CLASP1: variants seen among roughly 807,000 people sequenced by gnomAD.
CLASP1 encodes the protein cytoplasmic linker associated protein 1, also known as CLIP-associating protein 1.
A neutral mutation model predicts 192.3 loss-of-function variants in CLASP1; 38 were observed. The observed-to-expected ratio is 0.20, with a 90% CI of 0.15 to 0.26. The LOEUF is 0.26. CLASP1 is among the 10% of genes least tolerant of loss of function. CLASP1 has a pLI of 1.00. For synonymous variants in CLASP1, 691 were observed against 712.8 expected, an observed-to-expected ratio of 0.97 and a Z score of 0.49; for missense variants, 1,433 against 1,932.5, an observed-to-expected ratio of 0.74 and a Z score of 4.85.
intron 34 of CLASP1, 68 bp from the exon 36 acceptor site, chr2:121,367,899 A>G (rs2067751491): frequency 1.9e-6 from 3 of 1,571,588 alleles, no homozygotes; most frequent in African/African-American, 2.7e-5. Flanking sequence ...AATGCTCAGA[A>G]ATATTAAGAA....
chr2:121,608,604 C>T (rs1363001863), intron 1 of CLASP1, among the ~76,000 whole-genome samples: 2 of 152,284 alleles, frequency 1.3e-5, no homozygotes, highest in East Asian at 3.9e-4. Flanking sequence ...CTACCCATTC[C>T]AGTCGTCATC....
chr2:121,485,140 C>A (rs1389003180), intron 8 of CLASP1, among the ~76,000 whole-genome samples: 1 of 152,162 alleles, frequency 6.6e-6, no homozygotes, highest in Non-Finnish European at 1.5e-5. Context: ...AAAGGCATAA[C>A]CTCATCTACA....
At chr2:121,437,111 C>T (rs1481960225) in intron 19 of CLASP1, among the ~76,000 whole-genome samples, 1 of 151,962 alleles carries the variant, frequency 6.6e-6, no homozygotes, top group Non-Finnish European at 1.5e-5. Context: ...TACAGGTGTG[C>T]ACCACCATGC....
chr2:121,374,378 G>A (rs1471622754), intron 34 of CLASP1, among the ~76,000 whole-genome samples: 1 of 152,238 alleles, frequency 6.6e-6, no homozygotes, highest in Non-Finnish European at 1.5e-5. Context: ...TCTGCTGCAG[G>A]GGCAGAGCCC....
chr2:121,593,557 T>G (rs1559711653), intron 2 of CLASP1, among the ~76,000 whole-genome samples: 2 of 139,460 alleles, frequency 1.4e-5, no homozygotes, highest in African/African-American at 5.7e-5. Context: ...AGGCGGAAGT[T>G]GCAGGGAGCT....
chr2:121,545,534 G>C (rs972431940), intron 2 of CLASP1, among the ~76,000 whole-genome samples: 4 of 151,836 alleles, frequency 2.6e-5, no homozygotes, highest in African/African-American at 9.7e-5. Flanking sequence ...TGTCATTTTC[G>C]TGCTGTAGAA....
chr2:121,629,051 T>C (rs1018814968), intron 1 of CLASP1, among the ~76,000 whole-genome samples: 1 of 152,088 alleles, frequency 6.6e-6, no homozygotes, highest in Admixed American at 6.6e-5. Context: ...TAAATTACAG[T>C]ACATCCGTAC....
At chr2:121,452,584 A>T (rs2149808825) in intron 14 of CLASP1, among the ~76,000 whole-genome samples, 1 of 152,090 alleles carries the variant, frequency 6.6e-6, no homozygotes, top group South Asian at 2.1e-4. Context: ...TGAGGTCATG[A>T]GTTCAAGACC....
chr2:121,528,257 G>A (rs1315875832), intron 4 of CLASP1, among the ~76,000 whole-genome samples: 2 of 152,120 alleles, frequency 1.3e-5, no homozygotes, highest in African/African-American at 4.8e-5. Context: ...CCCAATAAAG[G>A]ACAGTAGAAG....
At position 121,519,516 on chromosome 2, in the gene CLASP1, C is replaced by A. The variant is rs13402801; in HGVS notation, c.547-3754G>T. Among the ~76,000 whole-genome samples the A allele has an allele frequency of 7.0e-3, 1,070 of 152,260 alleles. 11 individuals are homozygous for A. The highest frequency in any genetic ancestry group is 0.024 in the African/African-American group (1,007 of 41,540). The stretch of plus-strand genomic sequence containing the variant: ...AGAAAAGTTAAAAATATAAGTCTCC[C>A]AAATATAAACTCATTTGAACTCAAA... On this transcript the variant is annotated intron_variant, in intron 6 of 39. Coordinates refer to ENST00000263710, the Ensembl canonical transcript of CLASP1.
At chr2:121,442,881 C>T (rs1574891035) in intron 19 of CLASP1, among the ~76,000 whole-genome samples, 3 of 150,630 alleles carry the variant, frequency 2.0e-5, no homozygotes, top group Middle Eastern at 6.8e-3. Context: ...TTTTAAAAGG[C>T]CCATAATGGT....
chr2:121,541,296 C>T (rs1186544045), intron 2 of CLASP1, among the ~76,000 whole-genome samples: 1 of 152,192 alleles, frequency 6.6e-6, no homozygotes, highest in Non-Finnish European at 1.5e-5. Context: ...AAGGTAAAAA[C>T]AATGTTCACA....
At chr2:121,387,279 T>C in intron 31 of CLASP1, 51 bp from the exon 33 acceptor site, 1 of 1,197,072 alleles carries the variant, frequency 8.4e-7, no homozygotes, top group Non-Finnish European at 1.1e-6. Flanking sequence ...ATATAGAATA[T>C]ATTCTATTCT....
intron 8 of CLASP1, among the ~76,000 whole-genome samples, chr2:121,478,658 ACACCCC>A (rs796508489): frequency 4.4e-4 from 33 of 74,994 alleles, no homozygotes; most frequent in African/African-American, 8.7e-4. Context: ...CCACACACAC[ACACCCC>A]CCACACACAC....
chr2:121,606,855 C>T lies in CLASP1; in HGVS notation c.-285-675G>A, dbSNP rs529722750. ...GGCCGATCATTTGAGGTCAGGAGTTCGAGACAGCCTGGCCAACATGGTGAA... is the reference window on the plus strand; with the variant it reads ...GGCCGATCATTTGAGGTCAGGAGTTTGAGACAGCCTGGCCAACATGGTGAA... On this transcript the variant is annotated intron_variant, in intron 1 of 39. Transcript: ENST00000263710. 2.7e-3 allele frequency among the ~76,000 whole-genome samples: 413 copies of T among 152,256 alleles called. 2 individuals carry two copies. Among genetic ancestry groups the T allele is most frequent in the African/African-American group, 9.3e-3 (387 of 41,540 alleles).
At chr2:121,387,342 TG>T in intron 31 of CLASP1, 114 bp from the exon 33 acceptor site, 2 of 763,392 alleles carry the variant, frequency 2.6e-6, no homozygotes, top group South Asian at 2.5e-5. Flanking sequence ...CTGCCCAGGA[TG>T]GTTTTTTTTT....
chr2:121,417,142 G>A (rs938026223), intron 23 of CLASP1, among the ~76,000 whole-genome samples: 25 of 152,128 alleles, frequency 1.6e-4, no homozygotes, highest in Non-Finnish European at 3.4e-4. Flanking sequence ...AGACAGCTAA[G>A]CAGATCCATT....
chr2:121,538,251 T>C (rs1340145856), intron 2 of CLASP1, among the ~76,000 whole-genome samples: 1 of 88,952 alleles, frequency 1.1e-5, no homozygotes, highest in Non-Finnish European at 1.8e-5. Context: ...CCGTCTCTAA[T>C]CAAATACAAA....
intron 8 of CLASP1, among the ~76,000 whole-genome samples, chr2:121,479,014 C>T (rs1575289454): frequency 2.2e-5 from 2 of 91,680 alleles, no homozygotes; most frequent in Non-Finnish European, 4.1e-5. Context: ...CACACACACA[C>T]ACCACACACA....
Sources: gnomAD v4.1 joint callset for allele counts (sites outside exome capture counted in the v4.1 genomes callset) on GRCh38, gnomAD v4.1.1 for gene constraint, MANE v1.5 for transcripts, NCBI Gene and HGNC (gene_info 2026-07-23, HGNC 2026-07-21) for gene names.